CSTPP1: variants seen among roughly 807,000 people sequenced by gnomAD.
CSTPP1 encodes the protein centriolar satellite-associated tubulin polyglutamylase complex regulator 1.
the CSTPP1 span, among the ~76,000 whole-genome samples, chr11:46,945,168 G>A: frequency 6.6e-6 from 1 of 152,002 alleles, no homozygotes; most frequent in African/African-American, 2.4e-5. Context: ...TTCTATTCTA[G>A]GAAATATTGC....
the CSTPP1 span, chr11:47,138,018 C>CAT: frequency 2.0e-6 from 1 of 498,572 alleles, no homozygotes; most frequent in Non-Finnish European, 3.6e-6. Flanking sequence ...TACCCCCACA[C>CAT]ACACACACCC....
the CSTPP1 span, among the ~76,000 whole-genome samples, chr11:47,044,760 T>C: frequency 6.6e-6 from 1 of 151,962 alleles, no homozygotes; most frequent in Non-Finnish European, 1.5e-5. Context: ...AAAATTAAGT[T>C]TAGCCAGGCA....
At chr11:47,155,235 C>T in the CSTPP1 span, 2 of 1,613,922 alleles carry the variant, frequency 1.2e-6, no homozygotes, top group Non-Finnish European at 1.7e-6. Context: ...TTCCTCTTTG[C>T]CTTCCAGATC....
At chr11:47,104,442 C>T in the CSTPP1 span, among the ~76,000 whole-genome samples, 3 of 152,200 alleles carry the variant, frequency 2.0e-5, no homozygotes, top group Non-Finnish European at 4.4e-5. Flanking sequence ...TCTCTCTCCC[C>T]CATTACATTG....
At chr11:47,002,892 C>T in the CSTPP1 span, among the ~76,000 whole-genome samples, 1 of 152,034 alleles carries the variant, frequency 6.6e-6, no homozygotes, top group South Asian at 2.1e-4. Flanking sequence ...TGGTCCAAGC[C>T]CTGATATTCC....
chr11:47,100,636 C>T, the CSTPP1 span, among the ~76,000 whole-genome samples: 9 of 152,226 alleles, frequency 5.9e-5, no homozygotes, highest in Non-Finnish European at 1.2e-4. Context: ...ACTAAAAATA[C>T]AAAAATTAGC....
At chr11:47,016,093 G>T in the CSTPP1 span, among the ~76,000 whole-genome samples, 2,251 of 152,070 alleles carry the variant, frequency 0.015, 23 homozygotes, top group Non-Finnish European at 0.024. Context: ...CTCCAGCCTG[G>T]GCAATAGAGC....
chr11:47,082,508 A>G, the CSTPP1 span, among the ~76,000 whole-genome samples: 1 of 152,090 alleles, frequency 6.6e-6, no homozygotes, highest in Non-Finnish European at 1.5e-5. Flanking sequence ...ATAGTAAAGG[A>G]TTGTATAAGT....
chr11:47,161,884 C>T, the CSTPP1 span: 2 of 1,304,706 alleles, frequency 1.5e-6, no homozygotes, highest in Non-Finnish European at 2.0e-6. Context: ...AGCTGACAGA[C>T]TGTGCTGAGG....
At chr11:47,044,544 A>G in the CSTPP1 span, among the ~76,000 whole-genome samples, 1 of 152,210 alleles carries the variant, frequency 6.6e-6, no homozygotes, top group Admixed American at 6.5e-5. Flanking sequence ...AACTATGAAG[A>G]CAGGTAAGAG....
chr11:46,965,360 G>A, the CSTPP1 span, among the ~76,000 whole-genome samples: 1 of 151,554 alleles, frequency 6.6e-6, no homozygotes, highest in African/African-American at 2.4e-5. Context: ...GAGTAGCTGG[G>A]ATTACAGGCA....
the CSTPP1 span, among the ~76,000 whole-genome samples, chr11:46,996,390 G>A: frequency 4.6e-5 from 7 of 151,384 alleles, no homozygotes; most frequent in Non-Finnish European, 8.8e-5. Context: ...TGCAAGCTCC[G>A]CCTCCCGGGT....
the CSTPP1 span, among the ~76,000 whole-genome samples, chr11:46,943,976 A>G: frequency 6.6e-6 from 1 of 151,298 alleles, no homozygotes; most frequent in Non-Finnish European, 1.5e-5. Flanking sequence ...AGCTGTTTTC[A>G]CACCACTGCA....
At chr11:46,945,353 G>A in the CSTPP1 span, among the ~76,000 whole-genome samples, 36,545 of 152,098 alleles carry the variant, frequency 0.24, 5,121 homozygotes, top group East Asian at 0.66. Context: ...GGTGGCTCAT[G>A]CCTGTAATCC....
the CSTPP1 span, among the ~76,000 whole-genome samples, chr11:47,008,344 C>CT: frequency 6.6e-6 from 1 of 152,060 alleles, no homozygotes; most frequent in East Asian, 1.9e-4. Flanking sequence ...TTATTAACTG[C>CT]TTAGTGTATC....
At chr11:46,951,899 C>A in the CSTPP1 span, among the ~76,000 whole-genome samples, 8 of 152,132 alleles carry the variant, frequency 5.3e-5, no homozygotes, top group Admixed American at 5.2e-4. Flanking sequence ...TCTCCCTGCT[C>A]CCACACCAGT....
the CSTPP1 span, among the ~76,000 whole-genome samples, chr11:47,039,995 A>G: frequency 7.8e-6 from 1 of 128,914 alleles, no homozygotes. Flanking sequence ...AAGAGTAACT[A>G]TATATTTCCA....
At chr11:47,157,303 T>C in the CSTPP1 span, 3 of 1,425,790 alleles carry the variant, frequency 2.1e-6, no homozygotes, top group African/African-American at 4.4e-5. Context: ...CAGGATGTTC[T>C]GCGCGGCCCA....
chr11:47,041,565 G>A, the CSTPP1 span: 1 of 404,402 alleles, frequency 2.5e-6, no homozygotes. Flanking sequence ...CCTCAGCATA[G>A]CTCATGGCCT....
Sources: allele counts gnomAD v4.1 joint callset (sites outside exome capture counted in the v4.1 genomes callset), GRCh38; gene constraint gnomAD v4.1.1; transcripts MANE v1.5; gene names NCBI Gene and HGNC (gene_info 2026-07-23, HGNC 2026-07-21).